Variants in MSRA observed in about 807,000 individuals in gnomAD.
The protein encoded by MSRA is methionine sulfoxide reductase A.
Under a neutral mutation model 31.3 loss-of-function variants are expected in MSRA, and 54 were observed. The ratio of observed to expected loss-of-function variants is 1.73; its 90% CI spans 1.39 to 2.17. The LOEUF (loss-of-function observed/expected upper bound fraction) is 2.17. Among genes scored for constraint, MSRA ranks in the 30% most tolerant of loss-of-function variants. MSRA has a pLI of 0.00. For synonymous variants in MSRA, 169 were observed against 116.5 expected (o/e 1.45, Z -2.90); for missense variants, 507 against 300.9 (o/e 1.69, Z -5.07).
chr8:10,352,200 ATGT>A (rs1804195023), intron 5 of MSRA, among the ~76,000 whole-genome samples: 1 of 152,150 alleles, frequency 6.6e-6, no homozygotes, highest in African/African-American at 2.4e-5. Context: ...CGAGAAGGAG[ATGT>A]TGTAGGGTTC....
intron 5 of MSRA, among the ~76,000 whole-genome samples, chr8:10,426,359 C>T (rs988155721): frequency 6.6e-6 from 1 of 152,182 alleles, no homozygotes; most frequent in African/African-American, 2.4e-5. Flanking sequence ...GCGTGAAGGT[C>T]AGGGAAAAGC....
chr8:10,154,347 G>A (rs13281788), intron 1 of MSRA, among the ~76,000 whole-genome samples: 1 of 151,656 alleles, frequency 6.6e-6, no homozygotes, highest in African/African-American at 2.4e-5. Context: ...ATGGAAGGCT[G>A]AAGGACACAT....
At chr8:10,334,230 A>C (rs1802887722) in intron 5 of MSRA, among the ~76,000 whole-genome samples, 1 of 151,908 alleles carries the variant, frequency 6.6e-6, no homozygotes, top group African/African-American at 2.4e-5. Flanking sequence ...GTATATATAC[A>C]CACACATTTA....
chr8:10,143,985 G>A (rs1396388018), intron 1 of MSRA, among the ~76,000 whole-genome samples: 1 of 152,130 alleles, frequency 6.6e-6, no homozygotes. Flanking sequence ...AGGATGTTCT[G>A]TGGTGAATCA....
intron 3 of MSRA, among the ~76,000 whole-genome samples, chr8:10,273,441 T>A (rs555510377): frequency 1.3e-5 from 2 of 152,226 alleles, no homozygotes. Flanking sequence ...TGTAATTTCA[T>A]CTTTTGTAAA....
chr8:10,299,699 C>G (rs1430080309), intron 3 of MSRA, among the ~76,000 whole-genome samples: 1 of 152,094 alleles, frequency 6.6e-6, no homozygotes, highest in Non-Finnish European at 1.5e-5. Context: ...ACAATAGAAT[C>G]CTATCTTCCA....
intron 1 of MSRA, among the ~76,000 whole-genome samples, chr8:10,191,931 G>A (rs1807545466): frequency 6.6e-6 from 1 of 152,130 alleles, no homozygotes; most frequent in Non-Finnish European, 1.5e-5. Flanking sequence ...GGTCACGATT[G>A]TGGGCATGGC....
chr8:10,343,360 G>A (rs562629344), intron 5 of MSRA, among the ~76,000 whole-genome samples: 1 of 152,344 alleles, frequency 6.6e-6, no homozygotes, highest in East Asian at 1.9e-4. Context: ...TCATGCAGGA[G>A]TGATCAGTGT....
intron 1 of MSRA, among the ~76,000 whole-genome samples, chr8:10,159,067 G>T (rs967753669): frequency 1.3e-5 from 2 of 152,248 alleles, no homozygotes; most frequent in African/African-American, 4.8e-5. Flanking sequence ...TGAGAGAGGT[G>T]CAGGCAGATT....
chr8:10,172,207 T>C (rs545274004), intron 1 of MSRA, among the ~76,000 whole-genome samples: 40 of 152,130 alleles, frequency 2.6e-4, no homozygotes, highest in Non-Finnish European at 5.4e-4. Flanking sequence ...CACGGGAGTA[T>C]GGGTTGGTGT....
At chr8:10,128,373 C>G (rs1479751969) in intron 1 of MSRA, among the ~76,000 whole-genome samples, 1 of 150,984 alleles carries the variant, frequency 6.6e-6, no homozygotes, top group Non-Finnish European at 1.5e-5. Context: ...AAGCAAAACT[C>G]TTGTCTCAAA....
At chr8:10,202,018 C>T (rs922528435) in intron 1 of MSRA, among the ~76,000 whole-genome samples, 1 of 152,230 alleles carries the variant, frequency 6.6e-6, no homozygotes, top group African/African-American at 2.4e-5. Context: ...ACTCTTGTGT[C>T]TCCATTTGAC....
At chr8:10,142,441 C>G (rs1271033998) in intron 1 of MSRA, among the ~76,000 whole-genome samples, 3 of 152,206 alleles carry the variant, frequency 2.0e-5, no homozygotes, top group African/African-American at 7.2e-5. Flanking sequence ...GTGTTCTGTC[C>G]TCTAGGCTGC....
intron 1 of MSRA, among the ~76,000 whole-genome samples, chr8:10,188,548 T>C (rs1488311580): frequency 6.6e-6 from 1 of 152,236 alleles, no homozygotes. Context: ...ACTTTCACAT[T>C]TATAGCTACG....
intron 5 of MSRA, among the ~76,000 whole-genome samples, chr8:10,362,954 G>A (rs113032663): frequency 0.011 from 1,713 of 152,214 alleles, 36 homozygotes; most frequent in African/African-American, 0.04. Context: ...ACAGAAGGAC[G>A]TGCTGTTTTT....
At chr8:10,284,738 T>C (rs1219994895) in intron 3 of MSRA, among the ~76,000 whole-genome samples, 1 of 152,142 alleles carries the variant, frequency 6.6e-6, no homozygotes, top group Non-Finnish European at 1.5e-5. Flanking sequence ...GGTGGTGTGA[T>C]GGTGGCTGTG....
intron 2 of MSRA, among the ~76,000 whole-genome samples, chr8:10,211,418 G>A (rs542275225): frequency 6.6e-6 from 1 of 152,170 alleles, no homozygotes; most frequent in South Asian, 2.1e-4. Flanking sequence ...CTGCCCTTTT[G>A]GACAATGAGA....
At chr8:10,198,552 C>A (rs997726652) in intron 1 of MSRA, among the ~76,000 whole-genome samples, 5 of 152,154 alleles carry the variant, frequency 3.3e-5, no homozygotes, top group African/African-American at 1.2e-4. Flanking sequence ...TGTCTCAATT[C>A]TGATTATCTC....
At chr8:10,302,385 C>G (rs953445630) in intron 4 of MSRA, among the ~76,000 whole-genome samples, 14 of 152,378 alleles carry the variant, frequency 9.2e-5, no homozygotes, top group African/African-American at 3.4e-4. Context: ...CTGAAAAGTC[C>G]TATGCAATAG....
Sources: gnomAD v4.1 joint callset for allele counts (sites outside exome capture counted in the v4.1 genomes callset) on GRCh38, gnomAD v4.1.1 for gene constraint, MANE v1.5 for transcripts, NCBI Gene and HGNC (gene_info 2026-07-23, HGNC 2026-07-21) for gene names.